POLN: variants seen among roughly 807,000 people sequenced by gnomAD.
POLN encodes DNA polymerase N.
Under a neutral mutation model 113.5 loss-of-function variants are expected in POLN, and 108 were observed. The observed-to-expected ratio is 0.95, with a 90% CI of 0.81 to 1.12. The LOEUF (loss-of-function observed/expected upper bound fraction) is 1.12, where lower values mean the gene tolerates loss of function less well. Among genes scored for constraint, POLN ranks in the 50% most tolerant of loss-of-function variants. The probability of loss-of-function intolerance (pLI) is 0.00; values close to 1 mark genes in which losing one functional copy is unlikely to be tolerated. For missense variants in POLN, 1,097 were observed against 1,077.1 expected (o/e 1.02, Z -0.26); for synonymous variants, 386 against 391.5 (o/e 0.99, Z 0.17).
chr4:2,072,076 G>C lies in POLN; in HGVS notation c.*38C>G. 1 of 1,606,794 alleles carries C rather than the reference G, an allele frequency of 6.2e-7. No individual in the cohort carries two copies. Among genetic ancestry groups the C allele is most frequent in the African/African-American group, 1.3e-5 (1 of 74,918 alleles). ...CTTGGGGAAGGCCACACAATGGACT[G>C]CTGGAAACCAGTTCTCTCCTCCCAC... is the stretch of plus-strand genomic sequence containing the variant. On this transcript the variant is annotated 3_prime_UTR_variant, in exon 26 of 26. Coordinates refer to ENST00000511885, the MANE Select transcript of POLN (RefSeq NM_181808.4).
intron 5 of POLN, among the ~76,000 whole-genome samples, chr4:2,204,109 C>CAAAAAAAAAAAAAAAAAAAAA (rs566255148): frequency 5.6e-5 from 3 of 53,234 alleles, no homozygotes; most frequent in African/African-American, 7.8e-5. Context: ...AACTCTATCA[C>CAAAAAAAAAAAAAAAAAAAAA]AAAAAAAAAA....
chr4:2,238,568 G>T, intron 2 of POLN: 1 of 1,362,096 alleles, frequency 7.3e-7, no homozygotes, highest in Non-Finnish European at 9.8e-7. Context: ...AAAACAAAAG[G>T]AAATATTTAC....
chr4:2,151,843 T>C (rs923879370), intron 16 of POLN, among the ~76,000 whole-genome samples: 3 of 152,092 alleles, frequency 2.0e-5, no homozygotes, highest in Non-Finnish European at 2.9e-5. Context: ...GAGGGAGATA[T>C]TACAAAGAGA....
At chr4:2,156,365 G>C (rs1173910188) in intron 16 of POLN, 1 of 420,278 alleles carries the variant, frequency 2.4e-6, no homozygotes, top group Admixed American at 2.9e-5. Flanking sequence ...AAGTTCAAGG[G>C]AATTTAGAGC....
At chr4:2,210,870 G>A (rs972693531) in intron 4 of POLN, among the ~76,000 whole-genome samples, 9 of 149,366 alleles carry the variant, frequency 6.0e-5, no homozygotes, top group East Asian at 3.9e-4. Context: ...GCAGTGAGCC[G>A]AGATCGCGCC....
At chr4:2,239,974 A>G (rs1255404588) in intron 2 of POLN, 24 of 1,285,762 alleles carry the variant, frequency 1.9e-5, no homozygotes, top group Non-Finnish European at 2.4e-5. Flanking sequence ...TTTAACAGCA[A>G]TATTATCTCC....
At chr4:2,208,558 CT>C (rs1286646247) in intron 4 of POLN, 71 bp from the exon 5 acceptor site, 1 of 1,277,228 alleles carries the variant, frequency 7.8e-7, no homozygotes, top group Admixed American at 2.7e-5. Flanking sequence ...AAACTAATTT[CT>C]GGTAAAAACT....
chr4:2,109,334 T>G (rs975630110), intron 19 of POLN, among the ~76,000 whole-genome samples: 4 of 152,192 alleles, frequency 2.6e-5, no homozygotes, highest in East Asian at 3.8e-4. Context: ...TGTTTAACAA[T>G]GCAGACAGCC....
At position 2,241,546 on chromosome 4, in the gene POLN, A is replaced by G; in HGVS notation, c.-39T>C. ...TCAACGTCTCGCCGGGCAAGGCTCC[A>G]CCTCCAGAGTCCACCACCGCGACGC... On this transcript the variant is annotated 5_prime_UTR_variant, in exon 2 of 26. Coordinates refer to ENST00000511885, the MANE Select transcript of POLN (RefSeq NM_181808.4). The G allele has an allele frequency of 1.0e-6, 1 of 985,788 alleles. No homozygotes were observed. Among genetic ancestry groups the G allele is most frequent in the South Asian group, 4.7e-5 (1 of 21,308 alleles). The allele number at this position is 985,788 out of a possible 1,614,324, so 61.1% of individuals were successfully genotyped here.
chr4:2,199,664 C>T (rs899984520), intron 5 of POLN, among the ~76,000 whole-genome samples: 3 of 152,174 alleles, frequency 2.0e-5, no homozygotes, highest in Non-Finnish European at 4.4e-5. Flanking sequence ...ACAACCTCCA[C>T]CTCCCAGGTT....
chr4:2,210,905 A>C (rs903673002), intron 4 of POLN, among the ~76,000 whole-genome samples: 1 of 147,882 alleles, frequency 6.8e-6, no homozygotes, highest in Non-Finnish European at 1.5e-5. Context: ...TTGGTGACAG[A>C]GACTCCATCT....
intron 16 of POLN, among the ~76,000 whole-genome samples, chr4:2,140,533 G>C (rs1003203973): frequency 1.3e-5 from 2 of 152,182 alleles, no homozygotes; most frequent in African/African-American, 2.4e-5. Context: ...GATCACTTGA[G>C]GCCAGGAGTT....
Position 2,134,561 on chromosome 4 carries a change from T to C in POLN, c.1732-3271A>G, listed in dbSNP as rs1156280201. Among the ~76,000 whole-genome samples, 3 of 152,250 alleles carry C rather than the reference T, an allele frequency of 2.0e-5. No individual in the cohort carries two copies. In the East Asian group the frequency reaches 5.8e-4, roughly 29 times the overall value. ...TTTTGCTTTTTGATCTTAGTCGTTC[T>C]AATAGGTATGTAGTGGGATCTCATT... On this transcript the variant is annotated intron_variant, in intron 16 of 25. Transcript: ENST00000511885.
rs57253956 is a variant in POLN, at chr4:2,096,732, C to G, written c.1983-799G>C. The stretch of plus-strand genomic sequence containing the variant: ...AGAGAGAGAGAGAGAGAGAGAGAGA[C>G]ACACAGAGAGAAACAGAAAAAGTAA... On this transcript the variant is annotated intron_variant, in intron 19 of 25. Transcript: ENST00000511885. 8.4e-3 allele frequency among the ~76,000 whole-genome samples: 992 copies of G among 118,094 alleles called. 5 individuals carry two copies. The highest frequency in any genetic ancestry group is 0.054 in the East Asian group (211 of 3,902). 77.5% of individuals were successfully genotyped at this position (118,094 alleles called of 152,430 possible).
chr4:2,205,589 C>A (rs1005603286), intron 5 of POLN, among the ~76,000 whole-genome samples: 1 of 152,074 alleles, frequency 6.6e-6, no homozygotes, highest in Non-Finnish European at 1.5e-5. Flanking sequence ...AAAAAACAGT[C>A]CTAGGCCAGG....
chr4:2,164,170 G>A (rs956742479), intron 13 of POLN, among the ~76,000 whole-genome samples: 1 of 152,164 alleles, frequency 6.6e-6, no homozygotes, highest in Non-Finnish European at 1.5e-5. Flanking sequence ...TGCAGTGACA[G>A]CCTACTAATG....
chr4:2,183,836 C>T (rs7690222), intron 7 of POLN, among the ~76,000 whole-genome samples: 37,155 of 151,236 alleles, frequency 0.25, 7,045 homozygotes, highest in African/African-American at 0.51. Flanking sequence ...TTAATAAAAC[C>T]GCTATTTTTT....
In POLN at chr4:2,071,956, T is replaced by C. The variant is rs1730152468; in HGVS notation, c.*158A>G. 4 of 835,700 alleles carry C rather than the reference T, an allele frequency of 4.8e-6. No individual in the cohort carries two copies. The highest frequency in any genetic ancestry group is 8.2e-6 in the Non-Finnish European group (4 of 488,168). 51.8% of individuals were successfully genotyped at this position (835,700 alleles called of 1,614,324 possible). The stretch of plus-strand genomic sequence containing the variant: ...CAGGAAGAATTCACTCAGACAAGGA[T>C]GAGGAGGGCTTTGCACAGGCATTTA... On this transcript the variant is annotated 3_prime_UTR_variant, in exon 26 of 26. Coordinates refer to ENST00000511885, the MANE Select transcript of POLN (RefSeq NM_181808.4). This position sits in a 1 kb window ranked among gnomAD's most constrained non-coding sequence, Gnocchi z 5.2.
chr4:2,121,353 T>G (rs1456743525), intron 19 of POLN, among the ~76,000 whole-genome samples: 1 of 151,572 alleles, frequency 6.6e-6, no homozygotes, highest in Non-Finnish European at 1.5e-5. Flanking sequence ...GAGAATCTCT[T>G]GAACCTGGGA....
Sources: allele counts gnomAD v4.1 joint callset (sites outside exome capture counted in the v4.1 genomes callset), GRCh38; gene constraint gnomAD v4.1.1; non-coding constraint Gnocchi (gnomAD v3.1); transcripts MANE v1.5; gene names NCBI Gene and HGNC (gene_info 2026-07-23, HGNC 2026-07-21).